The following LRRC49 variants were observed in gnomAD, a reference collection of about 807,000 sequenced individuals.
LRRC49 encodes leucine rich repeat containing 49.
In LRRC49, 50 loss-of-function variants were observed where a neutral mutation model predicts 83.3. The ratio of observed to expected loss-of-function variants is 0.60; its 90% CI spans 0.48 to 0.76. LRRC49 has a LOEUF of 0.76. Ranked by LOEUF, LRRC49 falls within the 30% of genes least tolerant of loss-of-function variation. LRRC49 has a pLI of 0.00. For synonymous variants in LRRC49, 286 were observed against 283.3 expected, an observed-to-expected ratio of 1.01 and a Z score of -0.10; for missense variants, 704 against 809.1, an observed-to-expected ratio of 0.87 and a Z score of 1.58.
Position 71,053,119 on chromosome 15 carries a change from T to TA in LRRC49, c.*3510dup, listed in dbSNP as rs2040013583. On this transcript the variant is annotated 3_prime_UTR_variant, in exon 16 of 16. Coordinates refer to ENST00000260382, the MANE Select transcript of LRRC49 (RefSeq NM_017691.5). The stretch of plus-strand genomic sequence containing the variant: ...ATCAACTTCAGGAGGGGGCAATAAT[T>TA]AAATTAGGGGGACCAGTTGGGAAGG... 1 of 152,102 alleles carries TA rather than the reference T, an allele frequency of 6.6e-6. No homozygotes were observed. The highest frequency in any genetic ancestry group is 2.1e-4 in the South Asian group (1 of 4,830). The allele number at this position is 152,102 out of a possible 1,614,324, so 9.4% of individuals were successfully genotyped here. A position where few individuals can be genotyped will look rare whatever the true frequency, so the allele number is the denominator to read the frequency against.
Position 70,963,803 on chromosome 15 carries a change from C to T in LRRC49, c.792C>T (p.Cys264=). Residue 264 remains cysteine, a synonymous_variant, in exon 9 of 16, where the codon TGC becomes TGT. Coordinates refer to ENST00000260382, the MANE Select transcript of LRRC49 (RefSeq NM_017691.5). ...NNISSFDSVS[C]LADSSSLSDI... Reference sequence around the variant, plus strand: ...CCTGCAGTTTTGACAGTGTTTCCTGCCTTGCTGACTCTTCTTCCCTCTCGG... The same window carrying T: ...CCTGCAGTTTTGACAGTGTTTCCTGTCTTGCTGACTCTTCTTCCCTCTCGG... The T allele has an allele frequency of 6.2e-7, 1 of 1,613,304 alleles. No homozygotes were observed. The highest frequency in any genetic ancestry group is 8.5e-7 in the Non-Finnish European group (1 of 1,179,474).
chr15:70,920,581 A>G (rs888048931), intron 7 of LRRC49, among the ~76,000 whole-genome samples: 1 of 152,152 alleles, frequency 6.6e-6, no homozygotes, highest in African/African-American at 2.4e-5. Context: ...ACAGGAATCT[A>G]TTGGCCCTAG....
At chr15:70,926,479 G>A (rs1318462054) in intron 7 of LRRC49, among the ~76,000 whole-genome samples, 1 of 152,074 alleles carries the variant, frequency 6.6e-6, no homozygotes, top group African/African-American at 2.4e-5. Flanking sequence ...GTAGGTGGAT[G>A]TCTAAATTTA....
intron 7 of LRRC49, among the ~76,000 whole-genome samples, chr15:70,920,512 A>G (rs1190304899): frequency 6.6e-6 from 1 of 152,192 alleles, no homozygotes; most frequent in Non-Finnish European, 1.5e-5. Context: ...GTCAGGACTT[A>G]GTTTGTCCTT....
upstream of LRRC49, chr15:70,892,397 T>G: frequency 6.5e-7 from 1 of 1,542,766 alleles, no homozygotes; most frequent in Non-Finnish European, 8.7e-7. Flanking sequence ...TCGGGATTGT[T>G]TCCTTCCCTA....
At chr15:71,043,509 A>G (rs1177463925) in intron 15 of LRRC49, among the ~76,000 whole-genome samples, 1 of 152,240 alleles carries the variant, frequency 6.6e-6, no homozygotes, top group Non-Finnish European at 1.5e-5. Flanking sequence ...ACTCCTTGAC[A>G]GGTCAGGGCA....
intron 9 of LRRC49, among the ~76,000 whole-genome samples, chr15:70,968,853 T>A (rs2036888600): frequency 6.6e-6 from 1 of 152,212 alleles, no homozygotes; most frequent in African/African-American, 2.4e-5. Context: ...TGTAAATTTG[T>A]TTACGTTCCT....
intron 1 of LRRC49, among the ~76,000 whole-genome samples, chr15:70,862,257 T>C (rs538975659): frequency 6.6e-6 from 1 of 152,178 alleles, no homozygotes; most frequent in African/African-American, 2.4e-5. Context: ...CATGTTAGAA[T>C]CTTAGAATCA....
intron 7 of LRRC49, among the ~76,000 whole-genome samples, chr15:70,932,149 A>G (rs1032203154): frequency 1.3e-5 from 2 of 152,226 alleles, no homozygotes; most frequent in Non-Finnish European, 2.9e-5. Context: ...ACTGATATCT[A>G]TTGCTGTGTA....
rs1232452983 is a variant in LRRC49 at position 70,892,910 on chromosome 15, T to C, written c.16T>C (p.Tyr6His). The C allele has an allele frequency of 6.2e-7, 1 of 1,614,028 alleles. No homozygotes were observed. The highest frequency in any genetic ancestry group is 8.5e-7 in the Non-Finnish European group (1 of 1,180,010). Residue 6 changes from tyrosine to histidine, a missense_variant, in exon 1 of 16, where the codon TAT becomes CAT. Coordinates refer to ENST00000260382, the MANE Select transcript of LRRC49 (RefSeq NM_017691.5). ...GTCTCCTATCATGATTCCCGGGAAATATCGCTCTGTTTCTGGCCGGGCTGC... is the reference window on the plus strand; with the variant it reads ...GTCTCCTATCATGATTCCCGGGAAACATCGCTCTGTTTCTGGCCGGGCTGC... Reference protein sequence around the residue: MIPGKYRSVSGRAANN... With the variant: MIPGKHRSVSGRAANN...
intron 1 of LRRC49, among the ~76,000 whole-genome samples, chr15:70,856,068 C>T (rs1157930168): frequency 2.6e-5 from 4 of 152,132 alleles, no homozygotes; most frequent in East Asian, 1.9e-4. Context: ...GGCTCACATT[C>T]ATCTCAGGTT....
chr15:70,955,549 C>T (rs921454341), intron 8 of LRRC49, among the ~76,000 whole-genome samples: 5 of 152,218 alleles, frequency 3.3e-5, no homozygotes, highest in Non-Finnish European at 7.3e-5. Context: ...TAGTTAGACT[C>T]TCCAACTTGA....
chr15:70,943,087 G>A (rs2035881454), intron 8 of LRRC49, among the ~76,000 whole-genome samples: 1 of 151,720 alleles, frequency 6.6e-6, no homozygotes, highest in Non-Finnish European at 1.5e-5. Flanking sequence ...CATTGTGGAT[G>A]TTCTGTTGAG....
Position 70,932,378 on chromosome 15 carries a change from A to G in LRRC49, c.712-4383A>G, listed in dbSNP as rs116213340. ...TAATTTAATAAGTCTTTTTTTTAAA[A>G]AGGAATACTTCATTGTTTTTTGTTT... On this transcript the variant is annotated intron_variant, in intron 7 of 15. Coordinates refer to ENST00000260382, the MANE Select transcript of LRRC49 (RefSeq NM_017691.5). Among the ~76,000 whole-genome samples, 22 of 152,262 alleles carry G rather than the reference A, an allele frequency of 1.4e-4. 1 individual carries two copies. The highest frequency in any genetic ancestry group is 4.6e-4 in the African/African-American group (19 of 41,558).
In LRRC49 at chr15:71,049,502, A is replaced by G; in HGVS notation, c.1951A>G (p.Lys651Glu). 6.2e-7 allele frequency: 1 copy of G among 1,613,868 alleles called. No individual in the cohort carries two copies. Among genetic ancestry groups the G allele is most frequent in the Non-Finnish European group, 8.5e-7 (1 of 1,179,736 alleles). ...CAACATGAAAAATGAGGCTTTGCAG[A>G]AGCTTTGGCCACAGATGTTCATTGA... ...EINMKNEALQ[K>E]LWPQMFIELV... Residue 651 changes from lysine (K) to glutamate (E), a missense_variant, in exon 16 of 16, where the codon AAG (lysine) becomes GAG (glutamate). Physicochemically the swap from Lys to Glu is moderately conservative, Grantham distance 56 (BLOSUM62 1). Transcript: ENST00000260382.
At chr15:70,973,879 A>C (rs1303528443) in intron 9 of LRRC49, among the ~76,000 whole-genome samples, 1 of 152,128 alleles carries the variant, frequency 6.6e-6, no homozygotes, top group African/African-American at 2.4e-5. Flanking sequence ...CTGTAATCCC[A>C]GTACTTTGGG....
chr15:71,004,811 C>T (rs1034418329), intron 11 of LRRC49, among the ~76,000 whole-genome samples: 2 of 151,970 alleles, frequency 1.3e-5, no homozygotes, highest in East Asian at 1.9e-4. Flanking sequence ...AATCAAATAC[C>T]GCATGCTCTT....
chr15:70,878,806 C>T (rs2033205167), intron 2 of LRRC49, among the ~76,000 whole-genome samples: 1 of 152,120 alleles, frequency 6.6e-6, no homozygotes, highest in Admixed American at 6.5e-5. Context: ...CTAAACTGTA[C>T]TTAGATGTGA....
intron 11 of LRRC49, among the ~76,000 whole-genome samples, chr15:71,002,061 T>A (rs1755881007): frequency 6.6e-6 from 1 of 152,208 alleles, no homozygotes. Flanking sequence ...ATTTCTACAT[T>A]TTCTGTAAGT....
Sources: allele counts gnomAD v4.1 joint callset (sites outside exome capture counted in the v4.1 genomes callset), GRCh38; gene constraint gnomAD v4.1.1; transcripts MANE v1.5; gene names NCBI Gene and HGNC (gene_info 2026-07-23, HGNC 2026-07-21).